The following STX8 variants were observed in gnomAD, a reference collection of about 807,000 sequenced individuals.
STX8 encodes the protein syntaxin 8.
In STX8, 23 loss-of-function variants were observed where a neutral mutation model predicts 37.5. That is an observed-to-expected ratio of 0.61 (90% CI 0.44 to 0.87). The LOEUF is 0.87. Among genes scored for constraint, STX8 ranks in the 40% least tolerant of loss-of-function variants. The pLI is 0.00. For synonymous variants in STX8, 115 were observed against 99.1 expected (o/e 1.16, Z -0.95); for missense variants, 313 against 284.7 (o/e 1.10, Z -0.71).
chr17:9,547,246 C>CAAAAAAAAAAAAAAAAAAAAAA (rs11300957), intron 3 of STX8: 2 of 129,634 alleles, frequency 1.5e-5, no homozygotes, highest in African/African-American at 6.1e-5. Context: ...GACTCTGTCT[C>CAAAAAAAAAAAAAAAAAAAAAA]AAAAAAAAAA....
At chr17:9,550,968 G>C (rs1252341017) in intron 3 of STX8, among the ~76,000 whole-genome samples, 1 of 152,136 alleles carries the variant, frequency 6.6e-6, no homozygotes, top group African/African-American at 2.4e-5. Flanking sequence ...CCAGGTACTT[G>C]GGAGGCTGGG....
chr17:9,305,153 C>T (rs901308443), intron 7 of STX8, among the ~76,000 whole-genome samples: 2 of 151,808 alleles, frequency 1.3e-5, no homozygotes, highest in East Asian at 1.9e-4. Flanking sequence ...AGTGCAGTGG[C>T]GCGGTCTCGG....
chr17:9,499,014 A>G (rs1392284679), intron 5 of STX8, among the ~76,000 whole-genome samples: 2 of 152,194 alleles, frequency 1.3e-5, no homozygotes, highest in African/African-American at 4.8e-5. Context: ...TTACAGCTGA[A>G]GGGGCACAGA....
chr17:9,368,985 A>G (rs1911315614), intron 7 of STX8, among the ~76,000 whole-genome samples: 1 of 151,652 alleles, frequency 6.6e-6, no homozygotes, highest in Non-Finnish European at 1.5e-5. Context: ...CAGTGGCACA[A>G]TCATAGCTCA....
intron 6 of STX8, among the ~76,000 whole-genome samples, chr17:9,390,085 T>A (rs1912159515): frequency 6.6e-6 from 1 of 152,150 alleles, no homozygotes; most frequent in Non-Finnish European, 1.5e-5. Flanking sequence ...CAGGGAAAGC[T>A]CCTTTGCCTG....
intron 6 of STX8, among the ~76,000 whole-genome samples, chr17:9,478,692 T>C (rs1269351351): frequency 6.6e-6 from 1 of 152,212 alleles, no homozygotes; most frequent in Non-Finnish European, 1.5e-5. Flanking sequence ...CACAACTTCA[T>C]CTGGGTACAT....
chr17:9,358,601 T>C (rs1910957007), intron 7 of STX8, among the ~76,000 whole-genome samples: 1 of 152,210 alleles, frequency 6.6e-6, no homozygotes, highest in South Asian at 2.1e-4. Flanking sequence ...CACTTCCAGA[T>C]GGCCCCATGT....
intron 7 of STX8, among the ~76,000 whole-genome samples, chr17:9,337,543 T>G (rs1436907872): frequency 2.0e-5 from 3 of 152,184 alleles, no homozygotes; most frequent in Admixed American, 6.5e-5. Context: ...ATTTTTGTAT[T>G]TTTAGTAGAG....
At chr17:9,252,659 CTTCT>C (rs1906632059) in intron 7 of STX8, among the ~76,000 whole-genome samples, 2 of 150,972 alleles carry the variant, frequency 1.3e-5, no homozygotes, top group South Asian at 4.2e-4. Context: ...CTAGGGCAAG[CTTCT>C]TTGTCATCTA....
chr17:9,348,163 C>T (rs2142241081), intron 7 of STX8, among the ~76,000 whole-genome samples: 3 of 152,130 alleles, frequency 2.0e-5, no homozygotes. Context: ...CGGTGGCTCA[C>T]ACCTGTAATC....
intron 7 of STX8, among the ~76,000 whole-genome samples, chr17:9,377,458 G>A (rs1327426428): frequency 6.6e-6 from 1 of 151,918 alleles, no homozygotes; most frequent in African/African-American, 2.4e-5. Flanking sequence ...ATACCACCAT[G>A]CCTGGCTAAT....
chr17:9,424,725 A>G (rs1913564264), intron 6 of STX8, among the ~76,000 whole-genome samples: 1 of 152,138 alleles, frequency 6.6e-6, no homozygotes. Flanking sequence ...CTTGTAGTAT[A>G]TTTTCTTCAA....
At position 9,454,810 on chromosome 17, in the gene STX8, T is replaced by C. The variant is rs141668819; in HGVS notation, c.541+37019A>G. ...CCACATATAAGGGGGAACTATTGAT[T>C]TGGGAAAGAAACTGTTCTAGGGGGC... On this transcript the variant is annotated intron_variant, in intron 6 of 7. Coordinates refer to ENST00000306357, the MANE Select transcript of STX8 (RefSeq NM_004853.3). Among the ~76,000 whole-genome samples, 376 of 152,226 alleles carry C rather than the reference T, an allele frequency of 2.5e-3. 1 individual carries two copies. The highest frequency in any genetic ancestry group is 4.3e-3 in the Admixed American group (66 of 15,284).
chr17:9,277,371 G>A (rs1356673660), intron 7 of STX8, among the ~76,000 whole-genome samples: 1 of 150,276 alleles, frequency 6.7e-6, no homozygotes, highest in Admixed American at 6.6e-5. Context: ...GGTTAGTGAG[G>A]GCAGGGTCTC....
intron 7 of STX8, among the ~76,000 whole-genome samples, chr17:9,348,915 C>T (rs1269885947): frequency 1.3e-5 from 2 of 152,180 alleles, no homozygotes; most frequent in Non-Finnish European, 2.9e-5. Context: ...CGTTCCAAGA[C>T]CCCCAAGGGA....
intron 7 of STX8, among the ~76,000 whole-genome samples, chr17:9,254,161 C>T (rs549976181): frequency 3.9e-5 from 6 of 152,300 alleles, no homozygotes; most frequent in South Asian, 2.1e-4. Flanking sequence ...AACCCTGCAG[C>T]CGCACTCTGC....
intron 6 of STX8, among the ~76,000 whole-genome samples, chr17:9,455,408 G>T (rs1905160092): frequency 6.6e-6 from 1 of 151,910 alleles, no homozygotes; most frequent in Admixed American, 6.6e-5. Flanking sequence ...ACTGAGGCAG[G>T]AAAATCGCTT....
chr17:9,382,572 C>T (rs1164835705), intron 6 of STX8, among the ~76,000 whole-genome samples: 1 of 152,100 alleles, frequency 6.6e-6, no homozygotes, highest in Non-Finnish European at 1.5e-5. Flanking sequence ...CTAATGCTAT[C>T]CCTCCCCCAG....
intron 6 of STX8, among the ~76,000 whole-genome samples, chr17:9,402,895 G>A (rs1205807633): frequency 1.3e-5 from 2 of 152,160 alleles, no homozygotes; most frequent in African/African-American, 4.8e-5. Context: ...CTATGGATAC[G>A]GAGAATATCC....
Sources: allele counts gnomAD v4.1 joint callset (sites outside exome capture counted in the v4.1 genomes callset), GRCh38; gene constraint gnomAD v4.1.1; transcripts MANE v1.5; gene names NCBI Gene and HGNC (gene_info 2026-07-23, HGNC 2026-07-21).